The following CEP162 variants were observed in gnomAD, a reference collection of about 807,000 sequenced individuals.
CEP162 encodes the protein centrosomal protein of 162 kDa.
Under a neutral mutation model 169.2 loss-of-function variants are expected in CEP162, and 141 were observed. The observed-to-expected ratio is 0.83, with a 90% confidence interval of 0.73 to 0.96. The LOEUF is 0.96. Among genes scored for constraint, CEP162 ranks in the 40% least tolerant of loss-of-function variants. CEP162 has a pLI of 0.00. For missense variants in CEP162, 1,600 were observed against 1,587.2 expected (o/e 1.01, Z -0.14); for synonymous variants, 540 against 526.4 (o/e 1.03, Z -0.35).
intron 2 of CEP162, among the ~76,000 whole-genome samples, chr6:84,222,346 T>C (rs1392180746): frequency 2.0e-5 from 3 of 152,204 alleles, no homozygotes; most frequent in African/African-American, 7.2e-5. Context: ...TTCCTCCGGG[T>C]TATTCTTCAG....
intron 3 of CEP162, chr6:84,219,187 A>C (rs1562098039): frequency 7.8e-7 from 1 of 1,286,278 alleles, no homozygotes; most frequent in Admixed American, 2.3e-5. Flanking sequence ...TGATACAGGA[A>C]TCACGTCTTG....
At chr6:84,215,520 A>G (rs1488158216) in intron 4 of CEP162, 55 bp from the exon 5 acceptor site, 2 of 1,336,160 alleles carry the variant, frequency 1.5e-6, no homozygotes, top group Non-Finnish European at 2.0e-6. Context: ...GAAAACATTG[A>G]TTTGAATGAT....
intron 25 of CEP162, among the ~76,000 whole-genome samples, chr6:84,142,550 T>C (rs1178470546): frequency 6.6e-6 from 1 of 152,162 alleles, no homozygotes; most frequent in South Asian, 2.1e-4. Context: ...CTCAGAAGTA[T>C]AGAAACTAAC....
At chr6:84,188,990 G>A (rs1383876609) in intron 11 of CEP162, among the ~76,000 whole-genome samples, 1 of 151,738 alleles carries the variant, frequency 6.6e-6, no homozygotes, top group Non-Finnish European at 1.5e-5. Flanking sequence ...TAGTGATGTT[G>A]AGCATTTTTT....
chr6:84,186,696 T>G, intron 11 of CEP162, 73 bp from the exon 12 acceptor site: 2 of 1,220,010 alleles, frequency 1.6e-6, no homozygotes, highest in South Asian at 3.0e-5. Context: ...TAACCACGTG[T>G]GTGTGTACAC....
chr6:84,219,822 C>T lies in CEP162; in HGVS notation c.172+1235G>A, dbSNP rs115196800. Among the ~76,000 whole-genome samples, 573 of 152,220 alleles carry T rather than the reference C, an allele frequency of 3.8e-3. 3 individuals are homozygous for T. The highest frequency in any genetic ancestry group is 0.013 in the African/African-American group (539 of 41,556). ...TTCCTACCCTCGCAAAGCTCCCAACCGCAGGAGTTGTCCTATAGGTTACAA... is the reference window on the plus strand; with the variant it reads ...TTCCTACCCTCGCAAAGCTCCCAACTGCAGGAGTTGTCCTATAGGTTACAA... On this transcript the variant is annotated intron_variant, in intron 3 of 26. Transcript: ENST00000403245.
In CEP162 at chr6:84,153,174, C is replaced by T. The variant is rs754618979; in HGVS notation, c.3000G>A (p.Gln1000=). ...MEQQFQKMKI[Q]YEQRLEQQEQ... is the part of the protein sequence containing the mutation. ...CCTGCTGCTCTAGTCTTTGTTCATA[C>T]TGAATCTGAAGGAAAGAATCCATGT... Residue 1000 remains glutamine (Q), a synonymous_variant, in exon 23 of 27, where the codon CAG becomes CAA. Coordinates refer to ENST00000403245, the MANE Select transcript of CEP162 (RefSeq NM_014895.4). 16 of 1,590,038 alleles carry T rather than the reference C, an allele frequency of 1.0e-5. No individual in the cohort carries two copies. The highest frequency in any genetic ancestry group is 6.9e-5 in the South Asian group (6 of 86,520).
At chr6:84,219,690 A>G (rs2127754733) in intron 3 of CEP162, among the ~76,000 whole-genome samples, 1 of 152,362 alleles carries the variant, frequency 6.6e-6, no homozygotes, top group South Asian at 2.1e-4. Context: ...AAATTACAGT[A>G]TTAAAAAGAA....
Position 84,189,790 on chromosome 6 carries a change from C to T in CEP162, c.1110-3167G>A, listed in dbSNP as rs192776116. Among the ~76,000 whole-genome samples the T allele has an allele frequency of 0.021, 3,235 of 152,372 alleles. 243 individuals are homozygous for T. The East Asian group carries it at 0.25, about 12-fold the overall frequency. ...CAGGACTGGCAGGCAGCTCCACCTG[C>T]AGCCCCGGTGCGGGATCCACTAGGT... is the stretch of plus-strand genomic sequence containing the variant. On this transcript the variant is annotated intron_variant, in intron 11 of 26. Coordinates refer to ENST00000403245, the MANE Select transcript of CEP162 (RefSeq NM_014895.4).
intron 2 of CEP162, 61 bp downstream of exon 2, chr6:84,226,276 A>C (rs1173097088): frequency 5.5e-6 from 6 of 1,094,920 alleles, no homozygotes; most frequent in Non-Finnish European, 6.8e-6. Context: ...AGATGACAGA[A>C]TTGAAGGATG....
At chr6:84,164,770 G>A (rs185812054) in intron 18 of CEP162, among the ~76,000 whole-genome samples, 6 of 152,090 alleles carry the variant, frequency 3.9e-5, no homozygotes, top group African/African-American at 1.4e-4. Context: ...CTACATGATA[G>A]GTTGATAGGG....
intron 18 of CEP162, among the ~76,000 whole-genome samples, chr6:84,165,069 G>A (rs1476223107): frequency 2.6e-5 from 4 of 151,590 alleles, no homozygotes; most frequent in Non-Finnish European, 5.9e-5. Context: ...GGTCTGCACT[G>A]TCTCTTCTGC....
intron 25 of CEP162, among the ~76,000 whole-genome samples, chr6:84,141,831 T>G (rs1421141851): frequency 6.6e-6 from 1 of 152,170 alleles, no homozygotes; most frequent in Non-Finnish European, 1.5e-5. Flanking sequence ...CCTTCTTATA[T>G]TTTGGGCCTC....
At chr6:84,130,903 G>C (rs1352682794) in intron 25 of CEP162, among the ~76,000 whole-genome samples, 1 of 152,060 alleles carries the variant, frequency 6.6e-6, no homozygotes, top group Non-Finnish European at 1.5e-5. Flanking sequence ...GCTAGCTTTT[G>C]AATTTGTTTG....
chr6:84,152,940 C>A lies in CEP162; in HGVS notation c.3234G>T (p.Val1078=). 2.5e-6 allele frequency: 4 copies of A among 1,613,704 alleles called. No individual in the cohort carries two copies. The highest frequency in any genetic ancestry group is 3.4e-6 in the Non-Finnish European group (4 of 1,179,776). The part of the protein sequence containing the change: ...DEDFQSIEFQ[V]EQAHAKAKLV... ...ATTTAGCTTTAGCATGAGCCTGTTC[C>A]ACCTGGAATTCTATAGACTGAAAAT... The change falls in exon 23 of 27, where the codon GTG becomes GTT. Residue 1078 remains valine (V), a synonymous_variant. Coordinates refer to ENST00000403245, the MANE Select transcript of CEP162 (RefSeq NM_014895.4).
intron 6 of CEP162, among the ~76,000 whole-genome samples, chr6:84,207,649 T>C (rs1200741525): frequency 5.3e-5 from 8 of 151,888 alleles, no homozygotes; most frequent in Admixed American, 1.3e-4. Context: ...CACACCAACA[T>C]GGCACATGTA....
Position 84,215,356 on chromosome 6 carries a change from T to C in CEP162, c.429A>G (p.Thr143=), listed in dbSNP as rs368124076. ...QFFARLEKGL[T]SSIDYSRLNK... Reference sequence around the variant, plus strand: ...TTAATCTCGAATAATCAATGGAAGATGTCAAGCCTTTCTCAAGCCTGGCAA... The same window carrying C: ...TTAATCTCGAATAATCAATGGAAGACGTCAAGCCTTTCTCAAGCCTGGCAA... The change falls in exon 5 of 27, where the codon ACA becomes ACG. Residue 143 remains threonine (T), a synonymous_variant. Coordinates refer to ENST00000403245, the MANE Select transcript of CEP162 (RefSeq NM_014895.4). 8 of 1,605,756 alleles carry C rather than the reference T, an allele frequency of 5.0e-6. No homozygotes were observed. The African/African-American group carries it at 9.4e-5, about 19-fold the overall frequency.
intron 9 of CEP162, among the ~76,000 whole-genome samples, chr6:84,198,424 T>G (rs1162676297): frequency 6.6e-6 from 1 of 152,066 alleles, no homozygotes; most frequent in East Asian, 1.9e-4. Context: ...ATTACAGGCA[T>G]GTGCCACCAC....
At chr6:84,210,997 C>G (rs1284785619) in intron 6 of CEP162, among the ~76,000 whole-genome samples, 2 of 151,880 alleles carry the variant, frequency 1.3e-5, no homozygotes, top group Non-Finnish European at 2.9e-5. Flanking sequence ...CACTGAATAA[C>G]ATAAAATTCA....
Sources: gnomAD v4.1 joint callset for allele counts (sites outside exome capture counted in the v4.1 genomes callset) on GRCh38, gnomAD v4.1.1 for gene constraint, MANE v1.5 for transcripts, NCBI Gene and HGNC (gene_info 2026-07-23, HGNC 2026-07-21) for gene names.